EXOC6B: variants seen among roughly 807,000 people sequenced by gnomAD.
EXOC6B encodes SEC15 homolog B.
Under a neutral mutation model 113.5 loss-of-function variants are expected in EXOC6B, and 54 were observed. That is an observed-to-expected ratio of 0.48 (90% CI 0.38 to 0.60). EXOC6B has a LOEUF of 0.60. EXOC6B is among the 20% of genes least tolerant of loss of function. EXOC6B has a pLI of 0.00. For synonymous variants in EXOC6B, 357 were observed against 339.0 expected (o/e 1.05, Z -0.58); for missense variants, 797 against 977.5 (o/e 0.82, Z 2.46).
intron 1 of EXOC6B, among the ~76,000 whole-genome samples, chr2:72,812,260 T>C (rs2105132311): frequency 6.6e-6 from 1 of 152,204 alleles, no homozygotes; most frequent in Admixed American, 6.5e-5. Context: ...ACGCCGAAAT[T>C]AAAAATACAA....
chr2:72,637,079 A>C (rs1222832094), intron 6 of EXOC6B, among the ~76,000 whole-genome samples: 1 of 152,208 alleles, frequency 6.6e-6, no homozygotes, highest in African/African-American at 2.4e-5. Context: ...AAATTGTTAA[A>C]ACAAAAAGAT....
At chr2:72,262,468 C>T (rs985336029) in intron 20 of EXOC6B, among the ~76,000 whole-genome samples, 11 of 152,194 alleles carry the variant, frequency 7.2e-5, no homozygotes, top group South Asian at 2.1e-4. Flanking sequence ...GACATTCAGT[C>T]TACAGCCATA....
chr2:72,298,883 G>A (rs189530344), intron 20 of EXOC6B, among the ~76,000 whole-genome samples: 2 of 152,266 alleles, frequency 1.3e-5, no homozygotes, highest in East Asian at 3.9e-4. Context: ...CCCTTTGTGG[G>A]TAACCTGATT....
intron 18 of EXOC6B, among the ~76,000 whole-genome samples, chr2:72,419,292 G>A (rs1244141227): frequency 6.6e-6 from 1 of 152,164 alleles, no homozygotes; most frequent in Non-Finnish European, 1.5e-5. Context: ...TTTTTAAAAT[G>A]TTTTAGTATC....
rs531633798 is a variant in EXOC6B at position 72,443,461 on chromosome 2, C to T, written c.1980+21699G>A. ...AAGCAAGCAATGGGGAAAGGGCTTC[C>T]TATTCAATAAATGATGCTGGGATAA... On this transcript the variant is annotated intron_variant, in intron 18 of 21. Transcript: ENST00000272427. Among the ~76,000 whole-genome samples, 13 of 152,214 alleles carry T rather than the reference C, an allele frequency of 8.5e-5. No homozygotes were observed. The East Asian group carries it at 2.5e-3, about 29-fold the overall frequency.
chr2:72,687,277 T>C (rs1057381072), intron 6 of EXOC6B, among the ~76,000 whole-genome samples: 62 of 152,270 alleles, frequency 4.1e-4, no homozygotes, highest in African/African-American at 1.5e-3. Context: ...CAGAAATATA[T>C]AAATTGTTAA....
intron 1 of EXOC6B, among the ~76,000 whole-genome samples, chr2:72,780,005 A>G (rs1019636778): frequency 5.9e-5 from 9 of 152,114 alleles, no homozygotes; most frequent in African/African-American, 2.2e-4. Context: ...ACCTAATACC[A>G]ACTTCACCCT....
intron 20 of EXOC6B, among the ~76,000 whole-genome samples, chr2:72,252,450 G>C (rs1683082545): frequency 6.6e-6 from 1 of 152,076 alleles, no homozygotes; most frequent in Non-Finnish European, 1.5e-5. Flanking sequence ...TCCAGCCTGG[G>C]TGACAGAGTG....
chr2:72,504,916 T>C (rs1372196056), intron 11 of EXOC6B, among the ~76,000 whole-genome samples: 1 of 152,128 alleles, frequency 6.6e-6, no homozygotes, highest in Non-Finnish European at 1.5e-5. Context: ...TGGTAAACTG[T>C]TTGTCTTTTG....
At chr2:72,588,655 C>A (rs1705735811) in intron 6 of EXOC6B, among the ~76,000 whole-genome samples, 1 of 151,738 alleles carries the variant, frequency 6.6e-6, no homozygotes. Context: ...TACAGCTTGA[C>A]CACACTGGAA....
chr2:72,442,810 T>C (rs1573128342), intron 18 of EXOC6B, among the ~76,000 whole-genome samples: 3 of 152,222 alleles, frequency 2.0e-5, no homozygotes, highest in East Asian at 3.9e-4. Context: ...ATGGCCATAC[T>C]GCCCAAAGAA....
chr2:72,815,617 T>C (rs112101563), intron 1 of EXOC6B, among the ~76,000 whole-genome samples: 1 of 151,462 alleles, frequency 6.6e-6, no homozygotes, highest in Non-Finnish European at 1.5e-5. Flanking sequence ...AAAATAAAAA[T>C]AAAAACTACA....
At chr2:72,615,172 G>T (rs1307441184) in intron 6 of EXOC6B, among the ~76,000 whole-genome samples, 5 of 151,962 alleles carry the variant, frequency 3.3e-5, no homozygotes, top group Admixed American at 6.6e-5. Flanking sequence ...CTAATATTAA[G>T]ATTCAGACAT....
intron 1 of EXOC6B, among the ~76,000 whole-genome samples, chr2:72,812,724 T>C (rs1333009362): frequency 2.0e-5 from 3 of 151,724 alleles, no homozygotes; most frequent in Admixed American, 1.3e-4. Context: ...TATAGAAAAT[T>C]TTATATAAAA....
In EXOC6B at chr2:72,179,313, T is replaced by G. The variant is rs1236616931; in HGVS notation, c.*22A>C. On this transcript the variant is annotated 3_prime_UTR_variant, in exon 22 of 22. Coordinates refer to ENST00000272427, the MANE Select transcript of EXOC6B (RefSeq NM_015189.3). ...GACACAGAGGCTGCAGCAGGTCGCC[T>G]CTGTGGGTCCGGGGTCACCCTTCAT... 2 of 1,574,462 alleles carry G rather than the reference T, an allele frequency of 1.3e-6. No homozygotes were observed. Among genetic ancestry groups the G allele is most frequent in the African/African-American group, 2.7e-5 (2 of 74,126 alleles).
At chr2:72,566,730 A>G (rs1056734848) in intron 7 of EXOC6B, among the ~76,000 whole-genome samples, 3 of 152,128 alleles carry the variant, frequency 2.0e-5, no homozygotes, top group African/African-American at 7.2e-5. Flanking sequence ...ATAGCTGTAC[A>G]GTTAAAACAC....
chr2:72,445,151 A>G (rs1232490569), intron 18 of EXOC6B, among the ~76,000 whole-genome samples: 2 of 152,176 alleles, frequency 1.3e-5, no homozygotes, highest in African/African-American at 2.4e-5. Flanking sequence ...AAGTTCCACA[A>G]ATCTCTAGGG....
intron 20 of EXOC6B, among the ~76,000 whole-genome samples, chr2:72,236,021 TCTGA>T (rs949916953): frequency 1.3e-5 from 2 of 152,206 alleles, no homozygotes; most frequent in South Asian, 2.1e-4. Flanking sequence ...TATTAATCAT[TCTGA>T]CTATTTCTGA....
intron 1 of EXOC6B, among the ~76,000 whole-genome samples, chr2:72,782,101 C>G (rs1276861996): frequency 2.0e-5 from 3 of 149,420 alleles, no homozygotes; most frequent in Non-Finnish European, 4.4e-5. Context: ...GATCAAACCA[C>G]TGCACTCCAG....
Sources: gnomAD v4.1 joint callset for allele counts (sites outside exome capture counted in the v4.1 genomes callset) on GRCh38, gnomAD v4.1.1 for gene constraint, MANE v1.5 for transcripts, NCBI Gene and HGNC (gene_info 2026-07-23, HGNC 2026-07-21) for gene names.